The following ARHGEF28 variants were observed in gnomAD, a reference collection of about 807,000 sequenced individuals.
The protein encoded by ARHGEF28 is 190 kDa guanine nucleotide exchange factor.
Under a neutral mutation model 206.6 loss-of-function variants are expected in ARHGEF28, and 152 were observed. That is an observed-to-expected ratio of 0.74 (90% CI 0.64 to 0.84). The LOEUF is 0.84. ARHGEF28 is among the 40% of genes least tolerant of loss of function. The probability of loss-of-function intolerance (pLI) is 0.00; values close to 1 mark genes in which losing one functional copy is unlikely to be tolerated. For missense variants in ARHGEF28, 2,028 were observed against 2,073.2 expected, an observed-to-expected ratio of 0.98 and a Z score of 0.42; for synonymous variants, 763 against 776.4, an observed-to-expected ratio of 0.98 and a Z score of 0.29.
intron 4 of ARHGEF28, among the ~76,000 whole-genome samples, chr5:73,755,180 A>C (rs935853179): frequency 2.4e-4 from 36 of 151,634 alleles, no homozygotes; most frequent in African/African-American, 8.5e-4. Flanking sequence ...AGTATATATA[A>C]ATTTATATAT....
At position 73,749,760 on chromosome 5, in the gene ARHGEF28, C is replaced by G; in HGVS notation, c.34-77C>G. 3.3e-6 allele frequency: 5 copies of G among 1,527,398 alleles called. No individual in the cohort carries two copies. In the South Asian group the frequency reaches 6.1e-5, roughly 19 times the overall value. The allele number at this position is 1,527,398 out of a possible 1,614,324, so 94.6% of individuals were successfully genotyped here. A position where few individuals can be genotyped will look rare whatever the true frequency, so the allele number is the denominator to read the frequency against. On this transcript the variant is annotated intron_variant, in intron 2 of 35. Coordinates refer to ENST00000513042, the MANE Select transcript of ARHGEF28 (RefSeq NM_001177693.2). The stretch of plus-strand genomic sequence containing the variant: ...ACATAACAAATGACACTGTTATGGA[C>G]CCAGGTCCTTTGTATTGTGCTTTCT...
chr5:73,930,765 A>T (rs1039880692), intron 35 of ARHGEF28, among the ~76,000 whole-genome samples: 3 of 152,186 alleles, frequency 2.0e-5, no homozygotes, highest in African/African-American at 7.2e-5. Context: ...TGCCTCTCTC[A>T]ACTTATCAGT....
rs1752114289 is a variant in ARHGEF28 at position 73,753,171 on chromosome 5, G to A, written c.444G>A (p.Glu148=). 6.5e-7 allele frequency: 1 copy of A among 1,535,946 alleles called. No homozygotes were observed. The highest frequency in any genetic ancestry group is 1.4e-5 in the African/African-American group (1 of 72,376). Residue 148 remains glutamate, a synonymous_variant, in exon 4 of 36, where the codon GAG becomes GAA. Transcript: ENST00000513042. ...TGACCCATCTGGAATTGCCTCTAGA[G>A]TGGACTGTGTTGGGAAGTTCTTCAC... The part of the protein sequence containing the change: ...LALTHLELPL[E]WTVLGSSSLE...
At chr5:73,751,989 G>A (rs1292346199) in intron 3 of ARHGEF28, among the ~76,000 whole-genome samples, 1 of 152,172 alleles carries the variant, frequency 6.6e-6, no homozygotes, top group Non-Finnish European at 1.5e-5. Context: ...AGCCCTAGCT[G>A]CAAAGCCTCT....
chr5:73,702,455 A>G (rs901233698), intron 2 of ARHGEF28, among the ~76,000 whole-genome samples: 7 of 152,198 alleles, frequency 4.6e-5, no homozygotes, highest in African/African-American at 1.7e-4. Flanking sequence ...GCCCCCGGCA[A>G]CTATCATTCT....
intron 9 of ARHGEF28, among the ~76,000 whole-genome samples, chr5:73,800,963 T>A (rs1261082289): frequency 6.6e-6 from 1 of 152,134 alleles, no homozygotes; most frequent in Non-Finnish European, 1.5e-5. Context: ...CAGGCCTACA[T>A]GTGCTAGTGG....
In ARHGEF28 at chr5:73,732,421, G is replaced by C. The variant is rs547592941; in HGVS notation, c.34-17416G>C. ...TGATAGCTCATTTCTTTTTAATGCTGAATGCTAACGCTAATACCATCAACT... is the reference window on the plus strand; with the variant it reads ...TGATAGCTCATTTCTTTTTAATGCTCAATGCTAACGCTAATACCATCAACT... On this transcript the variant is annotated intron_variant, in intron 2 of 35. Transcript: ENST00000513042. Among the ~76,000 whole-genome samples the C allele has an allele frequency of 2.0e-5, 3 of 151,630 alleles. No individual in the cohort carries two copies. In the East Asian group the frequency reaches 5.8e-4, roughly 29 times the overall value.
At chr5:73,720,177 A>G (rs1297651943) in intron 2 of ARHGEF28, among the ~76,000 whole-genome samples, 3 of 152,240 alleles carry the variant, frequency 2.0e-5, no homozygotes, top group African/African-American at 7.2e-5. Context: ...ATAGACATGT[A>G]TTTCCAGTTG....
chr5:73,700,578 T>A (rs1748537616), intron 2 of ARHGEF28, among the ~76,000 whole-genome samples: 2 of 152,180 alleles, frequency 1.3e-5, no homozygotes, highest in Non-Finnish European at 2.9e-5. Flanking sequence ...GTTGGGTGAC[T>A]ATGGTTAACA....
chr5:73,886,643 A>G (rs1309112692), intron 25 of ARHGEF28, among the ~76,000 whole-genome samples: 2 of 152,238 alleles, frequency 1.3e-5, no homozygotes, highest in East Asian at 1.9e-4. Context: ...TCTAAAGCAG[A>G]TAATTCCATT....
chr5:73,784,365 T>C (rs1754027845), intron 7 of ARHGEF28, among the ~76,000 whole-genome samples: 1 of 152,168 alleles, frequency 6.6e-6, no homozygotes, highest in Non-Finnish European at 1.5e-5. Flanking sequence ...TCCAGTTATG[T>C]TTCTATAGTT....
At position 73,840,555 on chromosome 5, in the gene ARHGEF28, A is replaced by T. The variant is rs777570044; in HGVS notation, c.1222A>T (p.Thr408Ser). 1 of 1,613,906 alleles carries T rather than the reference A, an allele frequency of 6.2e-7. No individual in the cohort carries two copies. Residue 408 changes from threonine (T) to serine (S), a missense_variant, in exon 11 of 36, where the codon ACT (threonine) becomes TCT (serine). Physicochemically the swap from Thr to Ser is moderately conservative, Grantham distance 58 (BLOSUM62 1). Transcript: ENST00000513042. ...ATTSPESRGC[T>S]LWPQSSKHTL... ...TACCAGCCCTGAATCCAGAGGTTGC[A>T]CTCTGTGGCCTCAGAGCAGCAAACA...
chr5:73,832,131 T>C lies in ARHGEF28; in HGVS notation c.1025-207T>C, dbSNP rs12652066. On this transcript the variant is annotated intron_variant, in intron 9 of 35. Transcript: ENST00000513042. Reference sequence around the variant, plus strand: ...TGAAGTGGGCAAATATTTATCTATCTAGAACTTTTCATCCTACGTAAAAAT... The same window carrying C: ...TGAAGTGGGCAAATATTTATCTATCCAGAACTTTTCATCCTACGTAAAAAT... 1.1e-3 allele frequency among the ~76,000 whole-genome samples: 170 copies of C among 152,356 alleles called. 4 individuals are homozygous for C. The East Asian group carries it at 0.029, about 26-fold the overall frequency.
chr5:73,886,113 G>T lies in ARHGEF28; in HGVS notation c.3310+9G>T, dbSNP rs1236359408. 22 of 1,598,594 alleles carry T rather than the reference G, an allele frequency of 1.4e-5. No individual in the cohort carries two copies. Among genetic ancestry groups the T allele is most frequent in the Non-Finnish European group, 1.8e-5 (21 of 1,173,552 alleles). On this transcript the variant is annotated intron_variant, in intron 25 of 35. Coordinates refer to ENST00000513042, the MANE Select transcript of ARHGEF28 (RefSeq NM_001177693.2). ...TACAGGTCGTTTCAAAGGTACTGTG[G>T]CTCTACCAGACCAATTTCTCCCTTC...
At chr5:73,928,245 G>GT (rs1763925427) in intron 35 of ARHGEF28, among the ~76,000 whole-genome samples, 1 of 152,080 alleles carries the variant, frequency 6.6e-6, no homozygotes. Context: ...GTAAAACCCC[G>GT]TCTCTACTAA....
chr5:73,852,198 T>G (rs1758746309), intron 13 of ARHGEF28, among the ~76,000 whole-genome samples: 1 of 152,248 alleles, frequency 6.6e-6, no homozygotes, highest in South Asian at 2.1e-4. Context: ...ATGAGGACAT[T>G]GCAGCTATAT....
chr5:73,664,345 C>G (rs1175090118), intron 1 of ARHGEF28, among the ~76,000 whole-genome samples: 1 of 152,200 alleles, frequency 6.6e-6, no homozygotes, highest in Non-Finnish European at 1.5e-5. Flanking sequence ...TACACCCCTT[C>G]TACATTTCTA....
At chr5:73,793,216 G>A (rs1200324005) in intron 7 of ARHGEF28, among the ~76,000 whole-genome samples, 2 of 152,190 alleles carry the variant, frequency 1.3e-5, no homozygotes, top group African/African-American at 4.8e-5. Context: ...TTGTTGTCCA[G>A]ATTTTTAGAA....
intron 35 of ARHGEF28, among the ~76,000 whole-genome samples, chr5:73,920,610 C>A (rs912886128): frequency 7.5e-6 from 1 of 134,074 alleles, no homozygotes; most frequent in Admixed American, 8.9e-5. Flanking sequence ...ACTGCAGTGG[C>A]GCTATCCCGG....
Sources: allele counts gnomAD v4.1 joint callset (sites outside exome capture counted in the v4.1 genomes callset), GRCh38; gene constraint gnomAD v4.1.1; transcripts MANE v1.5; gene names NCBI Gene and HGNC (gene_info 2026-07-23, HGNC 2026-07-21).